The following CDKL2 variants were observed in gnomAD, a reference collection of about 807,000 sequenced individuals.
CDKL2 encodes the protein cyclin dependent kinase like 2, also known as cyclin-dependent kinase-like 2.
Under a neutral mutation model 63.9 loss-of-function variants are expected in CDKL2, and 64 were observed. The observed-to-expected ratio is 1.00, with a 90% CI of 0.82 to 1.23. CDKL2 has a LOEUF of 1.23. CDKL2 is among the 50% of genes most tolerant of loss of function. CDKL2 has a pLI of 0.00. For missense variants in CDKL2, 656 were observed against 668.0 expected, an observed-to-expected ratio of 0.98 and a Z score of 0.20; for synonymous variants, 211 against 229.2, an observed-to-expected ratio of 0.92 and a Z score of 0.72.
intron 2 of CDKL2, among the ~76,000 whole-genome samples, chr4:75,620,879 T>C (rs1730122216): frequency 6.6e-6 from 1 of 151,916 alleles, no homozygotes; most frequent in Non-Finnish European, 1.5e-5. Flanking sequence ...TCTTAGTATA[T>C]GAAGCTGAAT....
chr4:75,582,008 C>T, intron 12 of CDKL2, 110 bp from the exon 13 acceptor site: 1 of 707,210 alleles, frequency 1.4e-6, no homozygotes, highest in Non-Finnish European at 2.5e-6. Context: ...ATTAACTATT[C>T]ATAGCTCAAG....
intron 2 of CDKL2, among the ~76,000 whole-genome samples, chr4:75,618,100 CAAAA>C (rs1297914975): frequency 4.1e-5 from 3 of 73,870 alleles, no homozygotes; most frequent in Non-Finnish European, 5.1e-5. Context: ...GACTCTGTCT[CAAAA>C]AAAAAAAAAA....
chr4:75,626,870 G>A (rs546296510), intron 1 of CDKL2, among the ~76,000 whole-genome samples: 5 of 151,788 alleles, frequency 3.3e-5, no homozygotes, highest in African/African-American at 1.2e-4. Flanking sequence ...CCTGAGCAAC[G>A]GAGCAAGAAT....
In CDKL2 at chr4:75,581,813, G is replaced by A; in HGVS notation, c.*20C>T. The A allele has an allele frequency of 1.9e-6, 3 of 1,587,720 alleles. No individual in the cohort carries two copies. The highest frequency in any genetic ancestry group is 2.6e-6 in the Non-Finnish European group (3 of 1,157,456). The stretch of plus-strand genomic sequence containing the variant: ...AAGTATGGGAAATCACACCTACCCA[G>A]TTCAGAACCAAAATGGTTCTCAGTG... On this transcript the variant is annotated 3_prime_UTR_variant, in exon 13 of 14. Coordinates refer to ENST00000307465, the MANE Select transcript of CDKL2 (RefSeq NM_001330724.2).
intron 2 of CDKL2, among the ~76,000 whole-genome samples, chr4:75,620,686 A>T (rs2148910058): frequency 6.6e-6 from 1 of 152,302 alleles, no homozygotes; most frequent in East Asian, 1.9e-4. Flanking sequence ...CAAGAAACAT[A>T]TGCCACTTTA....
chr4:75,619,339 G>GC (rs1200403856), intron 2 of CDKL2, among the ~76,000 whole-genome samples: 1 of 151,952 alleles, frequency 6.6e-6, no homozygotes, highest in Non-Finnish European at 1.5e-5. Context: ...ATGTAGAAGA[G>GC]CCCCCAATAA....
At chr4:75,624,984 T>C (rs1730336991) in intron 2 of CDKL2, among the ~76,000 whole-genome samples, 1 of 152,202 alleles carries the variant, frequency 6.6e-6, no homozygotes, top group Non-Finnish European at 1.5e-5. Flanking sequence ...TTTCTGTTTA[T>C]AAAAATAAAC....
chr4:75,600,871 C>G (rs1729162164), intron 6 of CDKL2, among the ~76,000 whole-genome samples: 7 of 152,160 alleles, frequency 4.6e-5, no homozygotes, highest in Admixed American at 4.6e-4. Flanking sequence ...TTCAGTGTCT[C>G]TATATGGAAA....
At position 75,588,169 on chromosome 4, in the gene CDKL2, G is replaced by A. The variant is rs1216765568; in HGVS notation, c.1647+3650C>T. 1.1e-4 allele frequency among the ~76,000 whole-genome samples: 17 copies of A among 148,376 alleles called. No homozygotes were observed. In the South Asian group the frequency reaches 1.5e-3, roughly 13 times the overall value. ...GCGGAGGTTGCCGTGAGCCGAGATCGCACCATTGCACTCCAGCCTGGGCAA... is the reference window on the plus strand; with the variant it reads ...GCGGAGGTTGCCGTGAGCCGAGATCACACCATTGCACTCCAGCCTGGGCAA... On this transcript the variant is annotated intron_variant, in intron 12 of 13. Transcript: ENST00000307465.
chr4:75,600,653 T>C (rs1729149095), intron 6 of CDKL2, among the ~76,000 whole-genome samples: 2 of 152,120 alleles, frequency 1.3e-5, no homozygotes, highest in Admixed American at 6.6e-5. Context: ...AGAGACAGCG[T>C]TTCGCCATGT....
At chr4:75,605,749 T>C (rs1278732998) in intron 4 of CDKL2, 115 bp from the exon 5 acceptor site, 2 of 650,832 alleles carry the variant, frequency 3.1e-6, no homozygotes, top group Admixed American at 5.6e-5. Flanking sequence ...CATTTCAGAT[T>C]TCAGATTCTC....
chr4:75,592,076 T>A, intron 11 of CDKL2, 70 bp downstream of exon 11: 1 of 1,426,198 alleles, frequency 7.0e-7, no homozygotes, highest in East Asian at 2.5e-5. Context: ...TTTTTATTTT[T>A]AAATTCTGTC....
At position 75,582,405 on chromosome 4, in the gene CDKL2, G is replaced by C. The variant is rs76656242; in HGVS notation, c.1648-507C>G. Among the ~76,000 whole-genome samples, 54 of 152,254 alleles carry C rather than the reference G, an allele frequency of 3.5e-4. No individual in the cohort carries two copies. The East Asian group carries it at 9.2e-3, about 26-fold the overall frequency. On this transcript the variant is annotated intron_variant, in intron 12 of 13. Coordinates refer to ENST00000307465, the MANE Select transcript of CDKL2 (RefSeq NM_001330724.2). ...TATCTGAAATTTTAAAATCTCACTG[G>C]ATGGACTTAATAGCAGAATGAAGAT...
chr4:75,602,151 C>A (rs1729218120), intron 6 of CDKL2, among the ~76,000 whole-genome samples: 1 of 132,168 alleles, frequency 7.6e-6, no homozygotes, highest in South Asian at 3.4e-4. Context: ...TGATCCTATG[C>A]CCTACATTTT....
At chr4:75,580,549 C>T (rs1463940258) in intron 13 of CDKL2, among the ~76,000 whole-genome samples, 1 of 150,828 alleles carries the variant, frequency 6.6e-6, no homozygotes, top group Non-Finnish European at 1.5e-5. Flanking sequence ...CACGTGTGGC[C>T]CCAGCTACTC....
chr4:75,590,234 G>GT (rs1728659448), intron 12 of CDKL2, among the ~76,000 whole-genome samples: 1 of 152,218 alleles, frequency 6.6e-6, no homozygotes, highest in South Asian at 2.1e-4. Flanking sequence ...TGTGGAATCT[G>GT]TGACAGTGAT....
chr4:75,605,267 C>A (rs1448735169), intron 5 of CDKL2, among the ~76,000 whole-genome samples: 6 of 151,960 alleles, frequency 3.9e-5, no homozygotes, highest in Non-Finnish European at 8.8e-5. Flanking sequence ...GCAGGAGAAT[C>A]GCTTGAACCC....
At chr4:75,596,871 A>G (rs1728961444) in intron 9 of CDKL2, 64 bp downstream of exon 9, 1 of 1,347,116 alleles carries the variant, frequency 7.4e-7, no homozygotes, top group East Asian at 2.3e-5. Context: ...ATGAATTGAC[A>G]AACCCTTGCA....
chr4:75,596,473 T>C, intron 9 of CDKL2, 133 bp from the exon 10 acceptor site: 2 of 635,460 alleles, frequency 3.1e-6, no homozygotes, highest in Non-Finnish European at 5.6e-6. Flanking sequence ...AAATATACAA[T>C]GCACATAAAT....
Sources: allele counts gnomAD v4.1 joint callset (sites outside exome capture counted in the v4.1 genomes callset), GRCh38; gene constraint gnomAD v4.1.1; transcripts MANE v1.5; gene names NCBI Gene and HGNC (gene_info 2026-07-23, HGNC 2026-07-21).